ASCC3: variants seen among roughly 807,000 people sequenced by gnomAD.
ASCC3 encodes the protein ASC-1 complex subunit P200.
ASCC3 carries 158 observed loss-of-function variants against 256.3 expected under a neutral mutation model. The observed-to-expected ratio is 0.62, with a 90% CI of 0.54 to 0.70. The LOEUF (loss-of-function observed/expected upper bound fraction) is 0.70, where lower values mean the gene tolerates loss of function less well. ASCC3 is among the 30% of genes least tolerant of loss of function. ASCC3 has a pLI of 0.00. For missense variants in ASCC3, 2,259 were observed against 2,626.0 expected (o/e 0.86, Z 3.05); for synonymous variants, 948 against 883.4 (o/e 1.07, Z -1.30).
At chr6:100,759,529 A>T (rs1781336947) in intron 10 of ASCC3, among the ~76,000 whole-genome samples, 1 of 152,008 alleles carries the variant, frequency 6.6e-6, no homozygotes, top group South Asian at 2.1e-4. Context: ...TGTCAGCTTT[A>T]TCAGATGGTT....
chr6:100,751,541 G>T (rs535677302), intron 10 of ASCC3, among the ~76,000 whole-genome samples: 31 of 151,720 alleles, frequency 2.0e-4, no homozygotes, highest in African/African-American at 7.5e-4. Flanking sequence ...TACCATGCAG[G>T]TCCATAATTG....
chr6:100,549,487 C>A (rs1769182625), intron 36 of ASCC3, among the ~76,000 whole-genome samples: 2 of 151,612 alleles, frequency 1.3e-5, no homozygotes, highest in African/African-American at 4.8e-5. Context: ...TAGTTTTTTC[C>A]TTTTTTCTTT....
At chr6:100,608,089 T>C (rs1297916030) in intron 30 of ASCC3, among the ~76,000 whole-genome samples, 6 of 102,478 alleles carry the variant, frequency 5.9e-5, no homozygotes, top group East Asian at 3.3e-4. Flanking sequence ...TGTATATATA[T>C]CTATATACAC....
rs1039193518 is a variant in ASCC3, at chr6:100,720,161, C to T, written c.1903-1910G>A. 1.1e-4 allele frequency among the ~76,000 whole-genome samples: 17 copies of T among 152,060 alleles called. 1 individual carries two copies. Among genetic ancestry groups the T allele is most frequent in the Middle Eastern group, 3.4e-3 (1 of 292 alleles). On this transcript the variant is annotated intron_variant, in intron 11 of 41. Transcript: ENST00000369162. ...AATAAAAATAACTATGAGCACTGTA[C>T]TAATACTTCGAAAATATGAAAAGAT...
At chr6:100,782,722 CA>C (rs1271306269) in intron 8 of ASCC3, among the ~76,000 whole-genome samples, 7 of 137,988 alleles carry the variant, frequency 5.1e-5, no homozygotes, top group African/African-American at 1.9e-4. Flanking sequence ...CCTCCATAAA[CA>C]GAATAAGAAA....
At chr6:100,753,727 G>C (rs1219053573) in intron 10 of ASCC3, among the ~76,000 whole-genome samples, 1 of 152,112 alleles carries the variant, frequency 6.6e-6, no homozygotes, top group African/African-American at 2.4e-5. Flanking sequence ...AGTGATCAAA[G>C]AATGTGCTGA....
At chr6:100,628,113 G>C in intron 27 of ASCC3, 126 bp from the exon 28 acceptor site, 1 of 983,404 alleles carries the variant, frequency 1.0e-6, no homozygotes, top group Non-Finnish European at 1.5e-6. Flanking sequence ...CAAAAAAAAA[G>C]CTAAAGCTAG....
At chr6:100,581,301 G>A (rs1771241008) in intron 36 of ASCC3, among the ~76,000 whole-genome samples, 1 of 151,960 alleles carries the variant, frequency 6.6e-6, no homozygotes, top group South Asian at 2.1e-4. Flanking sequence ...GTATCTCATT[G>A]TGGTTTTGAT....
intron 24 of ASCC3, 149 bp downstream of exon 24, chr6:100,642,432 G>A: frequency 2.4e-6 from 2 of 832,524 alleles, no homozygotes; most frequent in South Asian, 3.3e-5. Flanking sequence ...CAGATTAAAT[G>A]ATGAATGACA....
intron 10 of ASCC3, 137 bp downstream of exon 10, chr6:100,766,428 T>C (rs78486634): frequency 0.014 from 12,979 of 919,238 alleles, 664 homozygotes; most frequent in East Asian, 0.14. Context: ...AGAGACAAGA[T>C]GTGGTTACAA....
chr6:100,747,609 G>GT (rs1005107482), intron 10 of ASCC3, among the ~76,000 whole-genome samples: 1 of 152,028 alleles, frequency 6.6e-6, no homozygotes. Flanking sequence ...ACATAATAAT[G>GT]TAAGTGAAAG....
At chr6:100,800,586 C>A in intron 5 of ASCC3, 82 bp from the exon 6 acceptor site, 2 of 1,057,330 alleles carry the variant, frequency 1.9e-6, no homozygotes, top group Non-Finnish European at 2.8e-6. Context: ...CTTTCCTCCA[C>A]CCCACAACAT....
At chr6:100,534,065 A>G (rs767512322) in intron 37 of ASCC3, among the ~76,000 whole-genome samples, 34 of 152,206 alleles carry the variant, frequency 2.2e-4, no homozygotes, top group Non-Finnish European at 2.8e-4. Context: ...CAACATGGTG[A>G]AACTCTGTCT....
chr6:100,543,060 G>T (rs1775541176), intron 36 of ASCC3, among the ~76,000 whole-genome samples: 1 of 152,110 alleles, frequency 6.6e-6, no homozygotes, highest in South Asian at 2.1e-4. Flanking sequence ...CCCAACTACA[G>T]TTGTCCCTTG....
chr6:100,641,934 G>A (rs1434008146), intron 24 of ASCC3, among the ~76,000 whole-genome samples: 3 of 150,536 alleles, frequency 2.0e-5, no homozygotes, highest in African/African-American at 4.9e-5. Flanking sequence ...AACACCACGT[G>A]TTCTCACTCA....
chr6:100,712,589 T>A (rs576211490), intron 13 of ASCC3, among the ~76,000 whole-genome samples: 3 of 151,916 alleles, frequency 2.0e-5, no homozygotes, highest in Non-Finnish European at 2.9e-5. Context: ...ATGGCCAATA[T>A]CCAAAATATT....
At chr6:100,633,470 T>C (rs1774660627) in intron 25 of ASCC3, among the ~76,000 whole-genome samples, 1 of 152,004 alleles carries the variant, frequency 6.6e-6, no homozygotes, top group African/African-American at 2.4e-5. Context: ...AGATGAAAGT[T>C]CTTGACTTAA....
chr6:100,734,155 A>C (rs1245780767), intron 10 of ASCC3, among the ~76,000 whole-genome samples: 9 of 152,194 alleles, frequency 5.9e-5, no homozygotes, highest in Admixed American at 4.6e-4. Flanking sequence ...TAAGTAAAGC[A>C]GAGCCTCTGG....
intron 31 of ASCC3, 40 bp from the exon 32 acceptor site, chr6:100,606,900 A>G (rs1772917596): frequency 6.2e-7 from 1 of 1,605,690 alleles, no homozygotes; most frequent in Non-Finnish European, 8.5e-7. Context: ...TAAGTAAAAT[A>G]TAACTTTTAA....
Sources: allele counts gnomAD v4.1 joint callset (sites outside exome capture counted in the v4.1 genomes callset), GRCh38; gene constraint gnomAD v4.1.1; transcripts MANE v1.5; gene names NCBI Gene and HGNC (gene_info 2026-07-23, HGNC 2026-07-21).